The following GNA14 variants were observed in gnomAD, a reference collection of about 807,000 sequenced individuals.
The protein encoded by GNA14 is guanine nucleotide-binding protein subunit alpha-14.
A neutral mutation model predicts 42.0 loss-of-function variants in GNA14; 50 were observed. The ratio of observed to expected loss-of-function variants is 1.19; its 90% confidence interval spans 0.95 to 1.51. The LOEUF (loss-of-function observed/expected upper bound fraction) is 1.51, where lower values mean the gene tolerates loss of function less well. Among genes scored for constraint, GNA14 ranks in the 40% most tolerant of loss-of-function variants. GNA14 has a pLI of 0.00. For missense variants in GNA14, 473 were observed against 446.2 expected, an observed-to-expected ratio of 1.06 and a Z score of -0.54; for synonymous variants, 173 against 163.1, an observed-to-expected ratio of 1.06 and a Z score of -0.46.
At position 77,546,850 on chromosome 9, in the gene GNA14, A is replaced by G. The variant is rs539711190; in HGVS notation, c.125-17597T>C. Among the ~76,000 whole-genome samples the G allele has an allele frequency of 2.6e-4, 40 of 152,274 alleles. 1 individual carries two copies. Among genetic ancestry groups the G allele is most frequent in the South Asian group, 1.9e-3 (9 of 4,826 alleles). On this transcript the variant is annotated intron_variant, in intron 1 of 6. Transcript: ENST00000341700. Reference sequence around the variant, plus strand: ...AACAGGCTGGATTCCTCTCTCCAGGATGGGTTAAAATAGCCAGGATGACCA... The same window carrying G: ...AACAGGCTGGATTCCTCTCTCCAGGGTGGGTTAAAATAGCCAGGATGACCA...
At chr9:77,552,501 C>G (rs1054495933) in intron 1 of GNA14, among the ~76,000 whole-genome samples, 2 of 152,144 alleles carry the variant, frequency 1.3e-5, no homozygotes, top group African/African-American at 4.8e-5. Context: ...CAAGTTACAC[C>G]AACTGGTGAA....
intron 2 of GNA14, among the ~76,000 whole-genome samples, chr9:77,511,269 G>A (rs1290443436): frequency 6.6e-6 from 1 of 152,006 alleles, no homozygotes; most frequent in Non-Finnish European, 1.5e-5. Flanking sequence ...AGCCATAAAG[G>A]TACAATTTCA....
At chr9:77,555,495 C>A (rs529570652) in intron 1 of GNA14, among the ~76,000 whole-genome samples, 3 of 152,034 alleles carry the variant, frequency 2.0e-5, no homozygotes, top group Non-Finnish European at 2.9e-5. Context: ...CAGAGTGAGA[C>A]CCAATCACAA....
At chr9:77,644,459 A>AAAAAAAAAAAAAAAAAAAAAC in intron 1 of GNA14, among the ~76,000 whole-genome samples, 1 of 150,112 alleles carries the variant, frequency 6.7e-6, no homozygotes, top group South Asian at 2.1e-4. Flanking sequence ...AAAAAAAAAA[A>AAAAAAAAAAAAAAAAAAAAAC]AAAAAGACAC....
At chr9:77,562,867 A>T (rs1822905436) in intron 1 of GNA14, among the ~76,000 whole-genome samples, 1 of 152,184 alleles carries the variant, frequency 6.6e-6, no homozygotes, top group Non-Finnish European at 1.5e-5. Context: ...ATTCCAAGCC[A>T]ACTCACTGTA....
At chr9:77,440,599 G>C (rs1485105088) in intron 2 of GNA14, among the ~76,000 whole-genome samples, 2 of 152,166 alleles carry the variant, frequency 1.3e-5, no homozygotes, top group African/African-American at 2.4e-5. Context: ...TTGGTGTTTT[G>C]ATATATGTAT....
At chr9:77,620,389 T>G (rs1052733173) in intron 1 of GNA14, among the ~76,000 whole-genome samples, 3 of 152,080 alleles carry the variant, frequency 2.0e-5, no homozygotes, top group African/African-American at 7.2e-5. Context: ...TTTAAAAGTA[T>G]TAAAGGGAAA....
chr9:77,520,266 G>A (rs1837334518), intron 2 of GNA14, among the ~76,000 whole-genome samples: 1 of 152,046 alleles, frequency 6.6e-6, no homozygotes, highest in African/African-American at 2.4e-5. Flanking sequence ...CCCCAAAAGG[G>A]GAATTTATCT....
intron 1 of GNA14, among the ~76,000 whole-genome samples, chr9:77,603,787 A>C (rs191766884): frequency 1.3e-5 from 2 of 151,964 alleles, no homozygotes; most frequent in African/African-American, 4.8e-5. Context: ...AACATGGTGA[A>C]ACCCCGTCTC....
chr9:77,491,866 T>G (rs979703284), intron 2 of GNA14, among the ~76,000 whole-genome samples: 4 of 152,206 alleles, frequency 2.6e-5, no homozygotes, highest in African/African-American at 7.2e-5. Flanking sequence ...ATACACATTC[T>G]TTTCATCAGC....
chr9:77,606,644 G>A (rs892671150), intron 1 of GNA14, among the ~76,000 whole-genome samples: 1 of 152,190 alleles, frequency 6.6e-6, no homozygotes, highest in African/African-American at 2.4e-5. Flanking sequence ...CACCAAATGG[G>A]TTGTAAAGGG....
chr9:77,424,052 T>C lies in GNA14; in HGVS notation c.995A>G (p.Asn332Ser), dbSNP rs1248114943. The C allele has an allele frequency of 1.9e-6, 3 of 1,611,528 alleles. No individual in the cohort carries two copies. Among genetic ancestry groups the C allele is most frequent in the African/African-American group, 1.3e-5 (1 of 75,012 alleles). The change falls in exon 7 of 7, where the codon AAT becomes AGT. Residue 332 changes from asparagine (N) to serine (S), a missense_variant. Transcript: ENST00000341700. ...SHFTCATDTD[N>S]IRFVFAAVKD... ...GACAGCAGCAAACACAAAGCGAATA[T>C]TGTCTGTATCTGTAGCACATGTGAA...
chr9:77,534,441 CAGAA>C (rs1490074906), intron 1 of GNA14, among the ~76,000 whole-genome samples: 4 of 152,194 alleles, frequency 2.6e-5, no homozygotes, highest in African/African-American at 7.2e-5. Flanking sequence ...GACATCAAAA[CAGAA>C]AGCCAATTGT....
intron 2 of GNA14, among the ~76,000 whole-genome samples, chr9:77,522,778 T>G (rs1837379219): frequency 6.6e-6 from 1 of 152,054 alleles, no homozygotes; most frequent in African/African-American, 2.4e-5. Flanking sequence ...GTGATTCCAA[T>G]GTGCAACCAA....
rs116808498 is a variant in GNA14, at chr9:77,430,195, A to G, written c.593+1126T>C. On this transcript the variant is annotated intron_variant, in intron 4 of 6. Coordinates refer to ENST00000341700, the MANE Select transcript of GNA14 (RefSeq NM_004297.4). ...AAGAAGCCATTCTATAAAAGCCTCA[A>G]TTTCAAAGATCGGAATTTTTCAGCC... Among the ~76,000 whole-genome samples the G allele has an allele frequency of 7.9e-3, 1,200 of 152,270 alleles. 14 individuals carry two copies. The highest frequency in any genetic ancestry group is 0.026 in the African/African-American group (1,092 of 41,546).
At chr9:77,473,995 C>A (rs955056893) in intron 2 of GNA14, among the ~76,000 whole-genome samples, 2 of 152,030 alleles carry the variant, frequency 1.3e-5, no homozygotes, top group East Asian at 3.9e-4. Flanking sequence ...ATAAAATATA[C>A]AAAAATTAAC....
chr9:77,630,808 T>C (rs1824085866), intron 1 of GNA14, among the ~76,000 whole-genome samples: 1 of 152,132 alleles, frequency 6.6e-6, no homozygotes, highest in Admixed American at 6.6e-5. Context: ...TATCAAATAT[T>C]TGAAAACTCA....
At chr9:77,582,112 C>T (rs1279810986) in intron 1 of GNA14, among the ~76,000 whole-genome samples, 6 of 152,188 alleles carry the variant, frequency 3.9e-5, no homozygotes, top group African/African-American at 1.4e-4. Context: ...ATCATGTGTC[C>T]TATCATTGTA....
intron 1 of GNA14, among the ~76,000 whole-genome samples, chr9:77,603,925 C>T (rs1367866125): frequency 9.9e-6 from 1 of 100,542 alleles, no homozygotes; most frequent in Non-Finnish European, 1.8e-5. Flanking sequence ...GCCTGGGAGA[C>T]AGAGTAAGAC....
Sources: gnomAD v4.1 joint callset for allele counts (sites outside exome capture counted in the v4.1 genomes callset) on GRCh38, gnomAD v4.1.1 for gene constraint, MANE v1.5 for transcripts, NCBI Gene and HGNC (gene_info 2026-07-23, HGNC 2026-07-21) for gene names.